BCAM: variants seen among roughly 807,000 people sequenced by gnomAD.
BCAM encodes basal cell adhesion molecule.
Under a neutral mutation model 72.4 loss-of-function variants are expected in BCAM, and 61 were observed. That is an observed-to-expected ratio of 0.84 (90% CI 0.69 to 1.04). The LOEUF (loss-of-function observed/expected upper bound fraction) is 1.04, where lower values mean the gene tolerates loss of function less well. Ranked by LOEUF, BCAM falls within the 50% of genes least tolerant of loss-of-function variation. The pLI, the probability that BCAM is intolerant of heterozygous loss-of-function variation, is 0.00. For synonymous variants in BCAM, 408 were observed against 384.2 expected, an observed-to-expected ratio of 1.06 and a Z score of -0.73; for missense variants, 909 against 895.0, an observed-to-expected ratio of 1.02 and a Z score of -0.20.
intron 1 of BCAM, among the ~76,000 whole-genome samples, chr19:44,810,095 C>G (rs932483275): frequency 7.2e-5 from 11 of 152,120 alleles, no homozygotes; most frequent in African/African-American, 2.4e-4. Context: ...AGGGGTAGGG[C>G]TGGGCCAGAT....
chr19:44,816,518 C>G (rs1411937688), intron 8 of BCAM, among the ~76,000 whole-genome samples: 1 of 152,170 alleles, frequency 6.6e-6, no homozygotes, highest in African/African-American at 2.4e-5. Context: ...CAGCTGCAGG[C>G]TGACAGCTGT....
intron 1 of BCAM, among the ~76,000 whole-genome samples, chr19:44,810,185 G>A (rs771789344): frequency 6.6e-6 from 1 of 151,962 alleles, no homozygotes; most frequent in African/African-American, 2.4e-5. Flanking sequence ...GAGGGAGGGT[G>A]GTGGTTTTTC....
Position 44,820,701 on chromosome 19 carries a change from C to T in BCAM, c.1764-4C>T, listed in dbSNP as rs200801658. ...CGCCTCCGCCCGCTGCCTCCTCCCC[C>T]CAGGCCGCCAGGGGAGCCAGGGCTG... On this transcript the variant is annotated splice_region_variant and splice_polypyrimidine_tract_variant and intron_variant, in intron 13 of 14. Transcript: ENST00000270233. The T allele has an allele frequency of 2.3e-4, 328 of 1,406,906 alleles. 1 individual carries two copies. The African/African-American group carries it at 4.2e-3, about 18-fold the overall frequency. 87.2% of individuals were successfully genotyped at this position (1,406,906 alleles called of 1,614,324 possible).
chr19:44,814,105 T>C lies in BCAM; in HGVS notation c.785-47T>C. On this transcript the variant is annotated intron_variant, in intron 6 of 14. Transcript: ENST00000270233. The surrounding 1 kb of genome is among the most constrained non-coding windows in gnomAD (Gnocchi z 4.6). ...TGACCTCTCGCCTGTCCTCTAGCCT[T>C]GACCCTTCCCCTGATCACAATTCCC... is the stretch of plus-strand genomic sequence containing the variant. 1 of 1,539,828 alleles carries C rather than the reference T, an allele frequency of 6.5e-7. No individual in the cohort carries two copies. Among genetic ancestry groups the C allele is most frequent in the Non-Finnish European group, 8.7e-7 (1 of 1,150,890 alleles).
In BCAM at chr19:44,819,380, T is replaced by C; in HGVS notation, c.1508T>C (p.Val503Ala). 2 of 1,613,978 alleles carry C rather than the reference T, an allele frequency of 1.2e-6. No individual in the cohort carries two copies. Among genetic ancestry groups the C allele is most frequent in the South Asian group, 1.1e-5 (1 of 91,078 alleles). ...CCAATCCCCGGACGGCAGGGTTGGG[T>C]GAGCAGCTCTCTGACCCTGAAAGTG... ...AEPIPGRQGW[V>A]SSSLTLKVTS... is the part of the protein sequence containing the mutation. The change falls in exon 12 of 15, where the codon GTG becomes GCG. Residue 503 changes from valine to alanine, a missense_variant. Physicochemically the swap from Val to Ala is moderately conservative, Grantham distance 64 (BLOSUM62 0). Transcript: ENST00000270233.
At position 44,812,453 on chromosome 19, in the gene BCAM, C is replaced by T. The variant is rs1056727281; in HGVS notation, c.434-25C>T. ...CAGGGAGGGGCGCAGGGCAGGGGCT[C>T]CTGACGTGAACGTCTTTTTCACAGC... is the stretch of plus-strand genomic sequence containing the variant. On this transcript the variant is annotated intron_variant, in intron 3 of 14. Transcript: ENST00000270233. This position sits in a 1 kb window ranked among gnomAD's most constrained non-coding sequence, Gnocchi z 5.3. 6.2e-7 allele frequency: 1 copy of T among 1,614,208 alleles called. No individual in the cohort carries two copies. Among genetic ancestry groups the T allele is most frequent in the Non-Finnish European group, 8.5e-7 (1 of 1,180,026 alleles).
chr19:44,809,260 C>G, intron 1 of BCAM, 54 bp downstream of exon 1: 1 of 1,344,488 alleles, frequency 7.4e-7, no homozygotes, highest in South Asian at 1.7e-5. Context: ...CTGGGGACCC[C>G]GGGAAAGCGA....
intron 1 of BCAM, among the ~76,000 whole-genome samples, chr19:44,809,901 G>C (rs1377392093): frequency 1.3e-5 from 2 of 151,992 alleles, no homozygotes; most frequent in Non-Finnish European, 2.9e-5. Context: ...GGGACAGAGG[G>C]ACAGAGAGAT....
rs1365054122 is a variant in BCAM, at chr19:44,814,355, G to A, written c.921+67G>A. On this transcript the variant is annotated intron_variant, in intron 7 of 14. Transcript: ENST00000270233. This position sits in a 1 kb window ranked among gnomAD's most constrained non-coding sequence, Gnocchi z 4.6. ...CCTGACCTCTGTGACCTGCTAACCT[G>A]CATAACTTCTAATGTGGGACCTGGG... 1.3e-6 allele frequency: 2 copies of A among 1,535,190 alleles called. No homozygotes were observed. Among genetic ancestry groups the A allele is most frequent in the Middle Eastern group, 1.7e-4 (1 of 5,782 alleles).
In BCAM at chr19:44,820,819, CGAGGTG is replaced by C; in HGVS notation, c.1880_1881+4del. The C allele has an allele frequency of 6.6e-7, 1 of 1,512,422 alleles. No individual in the cohort carries two copies. The highest frequency in any genetic ancestry group is 8.9e-7 in the Non-Finnish European group (1 of 1,128,686). 93.7% of individuals were successfully genotyped at this position (1,512,422 alleles called of 1,614,324 possible). On this transcript the variant is annotated splice_donor_variant and splice_donor_region_variant and coding_sequence_variant and intron_variant, in exon 14 of 15. Coordinates refer to ENST00000270233, the MANE Select transcript of BCAM (RefSeq NM_005581.5). LOFTEE classifies it high-confidence loss of function. ...GGGGTGGCAGCGGGGGCTTCGGAGACGAGGTGGGTGAGGGCCTGGGCCCCCTGGTGA... is the reference window on the plus strand; with the variant it reads ...GGGGTGGCAGCGGGGGCTTCGGAGACGGTGAGGGCCTGGGCCCCCTGGTGA...
Position 44,819,347 on chromosome 19 carries a change from C to T in BCAM, c.1475C>T (p.Pro492Leu). 1.2e-6 allele frequency: 2 copies of T among 1,614,082 alleles called. No homozygotes were observed. Among genetic ancestry groups the T allele is most frequent in the South Asian group, 1.1e-5 (1 of 91,084 alleles). The change falls in exon 12 of 15, where the codon CCC becomes CTC. Residue 492 changes from proline to leucine, a missense_variant and splice_region_variant. Physicochemically the swap from Pro to Leu is moderately conservative, Grantham distance 98 (BLOSUM62 -3). Coordinates refer to ENST00000270233, the MANE Select transcript of BCAM (RefSeq NM_005581.5). ...GGGGCCTGATCGGAGCCTCCATAGC[C>T]CGCAGAGCCAATCCCCGGACGGCAG... is the stretch of plus-strand genomic sequence containing the variant. ...KLSWSQLGGSPAEPIPGRQGW... is the reference protein window; with the variant it reads ...KLSWSQLGGSLAEPIPGRQGW...
At position 44,812,073 on chromosome 19, in the gene BCAM, G is replaced by A. The variant is rs983009698; in HGVS notation, c.205-90G>A. ...CCATAACAAGAGGAAAAGAGGCAGA[G>A]CCAGGAGCTGCAGAGAGAAAGGACC... On this transcript the variant is annotated intron_variant, in intron 2 of 14. Coordinates refer to ENST00000270233, the MANE Select transcript of BCAM (RefSeq NM_005581.5). This position sits in a 1 kb window ranked among gnomAD's most constrained non-coding sequence, Gnocchi z 5.3. 2.9e-5 allele frequency: 38 copies of A among 1,290,996 alleles called. No individual in the cohort carries two copies. Among genetic ancestry groups the A allele is most frequent in the Non-Finnish European group, 3.9e-5 (37 of 940,322 alleles). 80.0% of individuals were successfully genotyped at this position (1,290,996 alleles called of 1,614,324 possible). A position where few individuals can be genotyped will look rare whatever the true frequency, so the allele number is the denominator to read the frequency against.
At position 44,814,793 on chromosome 19, in the gene BCAM, G is replaced by A; in HGVS notation, c.1078+33G>A. ...CCCTGGGTGAACGGGCGGGCAGGAG[G>A]GGCCCTGGCATCAGTGCCTCTGCGC... On this transcript the variant is annotated intron_variant, in intron 8 of 14. Transcript: ENST00000270233. This position sits in a 1 kb window ranked among gnomAD's most constrained non-coding sequence, Gnocchi z 4.6. 1 of 1,586,112 alleles carries A rather than the reference G, an allele frequency of 6.3e-7. No homozygotes were observed. Among genetic ancestry groups the A allele is most frequent in the Non-Finnish European group, 8.6e-7 (1 of 1,166,222 alleles).
At position 44,812,660 on chromosome 19, in the gene BCAM, A is replaced by C. The variant is rs1968441390; in HGVS notation, c.504+112A>C. On this transcript the variant is annotated intron_variant, in intron 4 of 14. Coordinates refer to ENST00000270233, the MANE Select transcript of BCAM (RefSeq NM_005581.5). This position sits in a 1 kb window ranked among gnomAD's most constrained non-coding sequence, Gnocchi z 5.3. ...GGGGACCCCTGGGTAATAAAGGAGG[A>C]GGGGTAAGGCCAGGCGAGGTGGCTC... is the stretch of plus-strand genomic sequence containing the variant. 3 of 1,310,138 alleles carry C rather than the reference A, an allele frequency of 2.3e-6. No individual in the cohort carries two copies. Among genetic ancestry groups the C allele is most frequent in the Non-Finnish European group, 3.2e-6 (3 of 950,426 alleles). 81.2% of individuals were successfully genotyped at this position (1,310,138 alleles called of 1,614,324 possible).
rs746759389 is a variant in BCAM, at chr19:44,819,146, G to T, written c.1427G>T (p.Arg476Leu). Residue 476 changes from arginine to leucine, a missense_variant, in exon 11 of 15, where the codon CGC (arginine) becomes CTC (leucine). Coordinates refer to ENST00000270233, the MANE Select transcript of BCAM (RefSeq NM_005581.5). ...GAAGTCACACTCATCTGCTCTGCCC[G>T]CGGCCATCCAGACCCCAAACTCAGC... ...GDEVTLICSA[R>L]GHPDPKLSWS... 1 of 1,613,934 alleles carries T rather than the reference G, an allele frequency of 6.2e-7. No individual in the cohort carries two copies. The highest frequency in any genetic ancestry group is 1.7e-5 in the Admixed American group (1 of 59,980).
chr19:44,817,397 G>A lies in BCAM; in HGVS notation c.1079-1125G>A, dbSNP rs530620888. On this transcript the variant is annotated intron_variant, in intron 8 of 14. Transcript: ENST00000270233. ...GAGCACAGGAGGAATGGGGAAGAGT[G>A]GGAGATGGTTCAAGAGGTGGGTGAG... Among the ~76,000 whole-genome samples the A allele has an allele frequency of 2.2e-3, 335 of 152,242 alleles. 3 individuals are homozygous for A. Among genetic ancestry groups the A allele is most frequent in the African/African-American group, 7.0e-3 (289 of 41,544 alleles).
At chr19:44,809,995 C>T (rs1424866486) in intron 1 of BCAM, among the ~76,000 whole-genome samples, 1 of 152,196 alleles carries the variant, frequency 6.6e-6, no homozygotes, top group East Asian at 1.9e-4. Flanking sequence ...GCCTGGACCC[C>T]GTCACCCCTC....
In BCAM at chr19:44,812,276, C is replaced by T. The variant is rs977315250; in HGVS notation, c.318C>T (p.Ser106=). The T allele has an allele frequency of 6.2e-7, 1 of 1,611,182 alleles. No individual in the cohort carries two copies. The highest frequency in any genetic ancestry group is 8.5e-7 in the Non-Finnish European group (1 of 1,178,296). The stretch of plus-strand genomic sequence containing the variant: ...GCAGTCCCCCATACCAGCTGGACTC[C>T]CAGGGGCGCCTGGTGCTGGCTGAGG... The part of the protein sequence containing the change: ...RGRSPPYQLD[S]QGRLVLAEAQ... The change falls in exon 3 of 15, where the codon TCC becomes TCT. Residue 106 remains serine (S), a synonymous_variant. Coordinates refer to ENST00000270233, the MANE Select transcript of BCAM (RefSeq NM_005581.5). This position sits in a 1 kb window ranked among gnomAD's most constrained non-coding sequence, Gnocchi z 5.3.
Position 44,820,743 on chromosome 19 carries a change from A to G in BCAM, c.1802A>G (p.Glu601Gly). 1 of 1,459,420 alleles carries G rather than the reference A, an allele frequency of 6.9e-7. No individual in the cohort carries two copies. Among genetic ancestry groups the G allele is most frequent in the South Asian group, 1.4e-5 (1 of 70,324 alleles). 90.4% of individuals were successfully genotyped at this position (1,459,420 alleles called of 1,614,324 possible). The change falls in exon 14 of 15, where the codon GAG becomes GGG. Residue 601 changes from glutamate to glycine, a missense_variant. By Grantham distance (98) the Glu-to-Gly change is moderately conservative. Coordinates refer to ENST00000270233, the MANE Select transcript of BCAM (RefSeq NM_005581.5). Reference sequence around the variant, plus strand: ...CCAGGGCTGAGCCACTCGGGGTCGGAGCAACCAGAGCAGACCGGCCTTCTC... The same window carrying G: ...CCAGGGCTGAGCCACTCGGGGTCGGGGCAACCAGAGCAGACCGGCCTTCTC... ...GEPGLSHSGS[E>G]QPEQTGLLMG... is the part of the protein sequence containing the mutation.
Sources: allele counts gnomAD v4.1 joint callset (sites outside exome capture counted in the v4.1 genomes callset), GRCh38; gene constraint gnomAD v4.1.1; non-coding constraint Gnocchi (gnomAD v3.1); transcripts MANE v1.5; gene names NCBI Gene and HGNC (gene_info 2026-07-23, HGNC 2026-07-21).